PYGL: variants seen among roughly 807,000 people sequenced by gnomAD.
The protein encoded by PYGL is glycogen phosphorylase, liver form.
PYGL carries 90 observed loss-of-function variants against 100.1 expected under a neutral mutation model. The observed-to-expected ratio is 0.90, with a 90% CI of 0.76 to 1.07. The LOEUF is 1.07. Among genes scored for constraint, PYGL ranks in the 50% least tolerant of loss-of-function variants. The probability of loss-of-function intolerance (pLI) is 0.00; values close to 1 mark genes in which losing one functional copy is unlikely to be tolerated. For synonymous variants in PYGL, 373 were observed against 393.0 expected, an observed-to-expected ratio of 0.95 and a Z score of 0.60; for missense variants, 1,016 against 1,057.6, an observed-to-expected ratio of 0.96 and a Z score of 0.55.
At chr14:50,906,994 A>G (rs2050342253) in intron 19 of PYGL, among the ~76,000 whole-genome samples, 1 of 152,228 alleles carries the variant, frequency 6.6e-6, no homozygotes, top group African/African-American at 2.4e-5. Flanking sequence ...AAGAAATGTT[A>G]GTAAAACCCA....
At chr14:50,909,755 T>C (rs1344735978) in intron 17 of PYGL, 140 bp downstream of exon 17, 2 of 932,170 alleles carry the variant, frequency 2.1e-6, no homozygotes, top group African/African-American at 3.2e-5. Flanking sequence ...TCCTGCCTCA[T>C]CGTGGGAGAT....
Position 50,912,975 on chromosome 14 carries a change from G to A in PYGL, c.1620+54C>T, listed in dbSNP as rs2050413239. On this transcript the variant is annotated intron_variant, in intron 13 of 19. Transcript: ENST00000216392. Reference sequence around the variant, plus strand: ...TCTCAAAAAATAAACAAAAACTACAGGATAAACTCTCACAGTGAGTGCCCA... The same window carrying A: ...TCTCAAAAAATAAACAAAAACTACAAGATAAACTCTCACAGTGAGTGCCCA... 3.3e-6 allele frequency: 5 copies of A among 1,524,906 alleles called. No individual in the cohort carries two copies. The East Asian group carries it at 1.1e-4, about 34-fold the overall frequency. 94.5% of individuals were successfully genotyped at this position (1,524,906 alleles called of 1,614,324 possible).
Position 50,909,929 on chromosome 14 carries a change from T to C in PYGL, c.2143A>G (p.Arg715Gly), listed in dbSNP as rs922061385. The C allele has an allele frequency of 6.2e-7, 1 of 1,614,190 alleles. No homozygotes were observed. Among genetic ancestry groups the C allele is most frequent in the African/African-American group, 1.3e-5 (1 of 75,038 alleles). Residue 715 changes from arginine (R) to glycine (G), a missense_variant, in exon 17 of 20, where the codon AGG becomes GGG. Arg to Gly is a moderately radical substitution (Grantham distance 125). Transcript: ENST00000216392. ...GEENLFIFGMRIDDVAALDKK... is the reference protein window; with the variant it reads ...GEENLFIFGMGIDDVAALDKK... ...TCCAAAGCAGCCACATCATCTATCC[T>C]CATGCCAAAGATGAACAGGTTCTCT... is the stretch of plus-strand genomic sequence containing the variant.
rs2139197602 is a variant in PYGL, at chr14:50,937,735, C to T, written c.345+1G>A. The T allele has an allele frequency of 6.2e-7, 1 of 1,608,414 alleles. No homozygotes were observed. Among genetic ancestry groups the T allele is most frequent in the Non-Finnish European group, 8.5e-7 (1 of 1,174,862 alleles). On this transcript the variant is annotated splice_donor_variant, in intron 2 of 19. Transcript: ENST00000216392. LOFTEE classifies it high-confidence loss of function. ...ATGAGAGAAATCTAGGAACAATGTA[C>T]CTGGTAAATGGCCTCATCACAGGCA...
At chr14:50,912,120 C>G (rs1225025127) in intron 14 of PYGL, 36 bp downstream of exon 14, 2 of 1,614,228 alleles carry the variant, frequency 1.2e-6, no homozygotes. Flanking sequence ...CTGCTTCCAC[C>G]TGCAAGGGGG....
At position 50,915,506 on chromosome 14, in the gene PYGL, A is replaced by G; in HGVS notation, c.1240-7T>C. On this transcript the variant is annotated splice_region_variant and splice_polypyrimidine_tract_variant and intron_variant, in intron 10 of 19. Transcript: ENST00000216392. ...GAAACAAGGCCACAATTCTCTAGCC[A>G]AAGGAAGAGAAAGCCCTTGCTGGTC... is the stretch of plus-strand genomic sequence containing the variant. 6.2e-7 allele frequency: 1 copy of G among 1,614,152 alleles called. No individual in the cohort carries two copies. Among genetic ancestry groups the G allele is most frequent in the South Asian group, 1.1e-5 (1 of 91,084 alleles).
chr14:50,923,900 C>T (rs1412424353), intron 5 of PYGL, 69 bp downstream of exon 5: 5 of 1,496,026 alleles, frequency 3.3e-6, no homozygotes, highest in Non-Finnish European at 4.7e-6. Flanking sequence ...CTATATGCTA[C>T]ATAGTCAATG....
At chr14:50,917,245 G>T in intron 7 of PYGL, 140 bp from the exon 8 acceptor site, 1 of 929,830 alleles carries the variant, frequency 1.1e-6, no homozygotes, top group Non-Finnish European at 1.7e-6. Flanking sequence ...ATGCCAAACT[G>T]TGAGCCTTTG....
At chr14:50,923,788 G>T (rs2050522749) in intron 5 of PYGL, 181 bp downstream of exon 5, 17 of 634,728 alleles carry the variant, frequency 2.7e-5, no homozygotes, top group South Asian at 5.1e-5. Flanking sequence ...CAGCTCCTTT[G>T]TCTCCAAAAT....
In PYGL at chr14:50,935,159, T is replaced by A; in HGVS notation, c.372A>T (p.Glu124Asp). 1.2e-6 allele frequency: 2 copies of A among 1,612,616 alleles called. No homozygotes were observed. The highest frequency in any genetic ancestry group is 1.7e-6 in the Non-Finnish European group (2 of 1,178,614). ...CAAGTCCAGCATCTTCTTCAATTTCTTCTAACTCTTCTATATCCAATCCAA... is the reference window on the plus strand; with the variant it reads ...CAAGTCCAGCATCTTCTTCAATTTCATCTAACTCTTCTATATCCAATCCAA... Reference protein sequence around the residue: ...YQLGLDIEELEEIEEDAGLGN... With the variant: ...YQLGLDIEELDEIEEDAGLGN... The change falls in exon 3 of 20, where the codon GAA (glutamate) becomes GAT (aspartate). Residue 124 changes from glutamate to aspartate, a missense_variant. Glu to Asp is a conservative substitution (Grantham distance 45). Transcript: ENST00000216392.
intron 7 of PYGL, 81 bp downstream of exon 7, chr14:50,920,460 T>C: frequency 7.8e-7 from 1 of 1,285,506 alleles, no homozygotes; most frequent in Non-Finnish European, 1.1e-6. Flanking sequence ...CAATATTAAA[T>C]GTGTTTTATA....
intron 4 of PYGL, among the ~76,000 whole-genome samples, chr14:50,930,685 T>C (rs2050594144): frequency 6.6e-6 from 1 of 152,208 alleles, no homozygotes; most frequent in African/African-American, 2.4e-5. Context: ...TAGGGTTATC[T>C]TCCTTTATCC....
At chr14:50,942,226 G>C (rs561597121) in intron 1 of PYGL, among the ~76,000 whole-genome samples, 1 of 94,564 alleles carries the variant, frequency 1.1e-5, no homozygotes, top group African/African-American at 2.9e-5. Flanking sequence ...CCAGTGTATC[G>C]CTATCAGAAT....
At chr14:50,923,811 C>T (rs1195770746) in intron 5 of PYGL, 158 bp downstream of exon 5, 12 of 966,090 alleles carry the variant, frequency 1.2e-5, no homozygotes, top group Non-Finnish European at 1.8e-5. Flanking sequence ...CTGGGCTGCG[C>T]TAAGAGAAGT....
chr14:50,911,866 G>T lies in PYGL; in HGVS notation c.1833C>A (p.Ala611=). The part of the protein sequence containing the change: ...PRTVIIGGKA[A]PGYHMAKMII... The stretch of plus-strand genomic sequence containing the variant: ...TCATTTTGGCCATGTGATATCCTGG[G>T]GCAGCCTTTGGGGAAGAAGGTCAAA... The change falls in exon 16 of 20, where the codon GCC becomes GCA. Residue 611 remains alanine, a synonymous_variant. Transcript: ENST00000216392. The T allele has an allele frequency of 6.3e-7, 1 of 1,577,224 alleles. No homozygotes were observed. The highest frequency in any genetic ancestry group is 1.1e-5 in the South Asian group (1 of 89,926).
intron 7 of PYGL, among the ~76,000 whole-genome samples, chr14:50,918,819 A>AC (rs1436789176): frequency 1.3e-5 from 2 of 152,140 alleles, no homozygotes; most frequent in Non-Finnish European, 2.9e-5. Flanking sequence ...AATGATGAGC[A>AC]CCCCATCCCC....
At chr14:50,910,853 C>A (rs1596032522) in intron 16 of PYGL, among the ~76,000 whole-genome samples, 1 of 152,322 alleles carries the variant, frequency 6.6e-6, no homozygotes, top group Non-Finnish European at 1.5e-5. Context: ...AGCCTCTGAC[C>A]TTTCAGGCTG....
At chr14:50,909,054 T>C in intron 17 of PYGL, 99 bp from the exon 18 acceptor site, 2 of 1,335,086 alleles carry the variant, frequency 1.5e-6, no homozygotes, top group Non-Finnish European at 2.1e-6. Flanking sequence ...AAAAAATACA[T>C]TCAGAAATAC....
chr14:50,935,073 C>T (rs1469113669), intron 3 of PYGL, 34 bp downstream of exon 3: 2 of 1,566,044 alleles, frequency 1.3e-6, no homozygotes, highest in East Asian at 2.2e-5. Context: ...CTTCAATCGG[C>T]CAGACAATAT....
Sources: gnomAD v4.1 joint callset for allele counts (sites outside exome capture counted in the v4.1 genomes callset) on GRCh38, gnomAD v4.1.1 for gene constraint, MANE v1.5 for transcripts, NCBI Gene and HGNC (gene_info 2026-07-23, HGNC 2026-07-21) for gene names.